The following NRXN3 variants were observed in gnomAD, a reference collection of about 807,000 sequenced individuals.
NRXN3 encodes the protein neurexin 3.
In NRXN3, 32 loss-of-function variants were observed where a neutral mutation model predicts 137.6. The ratio of observed to expected loss-of-function variants is 0.23; its 90% CI spans 0.18 to 0.31. NRXN3 has a LOEUF of 0.31. Among genes scored for constraint, NRXN3 ranks in the 10% least tolerant of loss-of-function variants. NRXN3 has a pLI of 1.00. For missense variants in NRXN3, 1,574 were observed against 2,062.5 expected, an observed-to-expected ratio of 0.76 and a Z score of 4.59; for synonymous variants, 798 against 784.5, an observed-to-expected ratio of 1.02 and a Z score of -0.29.
At chr14:78,878,508 A>G (rs555676448) in intron 10 of NRXN3, among the ~76,000 whole-genome samples, 1 of 152,230 alleles carries the variant, frequency 6.6e-6, no homozygotes, top group African/African-American at 2.4e-5. Flanking sequence ...TTTTTTTTCT[A>G]TTGTACAAAC....
At chr14:78,901,846 T>C (rs548828424) in intron 10 of NRXN3, among the ~76,000 whole-genome samples, 3 of 152,082 alleles carry the variant, frequency 2.0e-5, no homozygotes, top group Admixed American at 1.3e-4. Flanking sequence ...GTTTTAAAAG[T>C]CTGAGCAAGA....
intron 4 of NRXN3, among the ~76,000 whole-genome samples, chr14:78,634,687 C>A (rs1024697608): frequency 3.3e-5 from 5 of 152,108 alleles, no homozygotes; most frequent in African/African-American, 1.2e-4. Flanking sequence ...TGTTCGAATA[C>A]CTTCCTGGTT....
intron 6 of NRXN3, among the ~76,000 whole-genome samples, chr14:78,685,358 A>C (rs532427077): frequency 6.6e-6 from 1 of 152,120 alleles, no homozygotes; most frequent in Non-Finnish European, 1.5e-5. Flanking sequence ...GTGGCTTTCC[A>C]TCTTGCTCAG....
chr14:79,417,350 TG>T (rs2095511662), intron 15 of NRXN3, among the ~76,000 whole-genome samples: 1 of 152,190 alleles, frequency 6.6e-6, no homozygotes, highest in African/African-American at 2.4e-5. Flanking sequence ...TTTGCTTCAT[TG>T]TACTCTTAAG....
intron 4 of NRXN3, among the ~76,000 whole-genome samples, chr14:78,372,304 T>A (rs536108005): frequency 1.4e-3 from 208 of 147,842 alleles, no homozygotes; most frequent in Middle Eastern, 3.5e-3. Context: ...TTTTTTTTTT[T>A]AATTTTATTA....
At chr14:79,141,099 T>G (rs943546127) in intron 15 of NRXN3, among the ~76,000 whole-genome samples, 3 of 152,208 alleles carry the variant, frequency 2.0e-5, no homozygotes, top group African/African-American at 7.2e-5. Flanking sequence ...AACAGGTGTC[T>G]TTTTCAAATT....
At chr14:79,701,385 C>A (rs1405785825) in intron 19 of NRXN3, among the ~76,000 whole-genome samples, 2 of 152,090 alleles carry the variant, frequency 1.3e-5, no homozygotes, top group Non-Finnish European at 2.9e-5. Context: ...TTCTTCTGTG[C>A]CATCTAGAGA....
chr14:78,913,662 GA>G (rs2099247164), intron 10 of NRXN3, among the ~76,000 whole-genome samples: 1 of 152,070 alleles, frequency 6.6e-6, no homozygotes, highest in Admixed American at 6.6e-5. Context: ...GTTGGCATGG[GA>G]ATATAACCAT....
At chr14:78,194,108 C>T (rs1440187356) in intron 1 of NRXN3, among the ~76,000 whole-genome samples, 1 of 152,194 alleles carries the variant, frequency 6.6e-6, no homozygotes, top group Non-Finnish European at 1.5e-5. Context: ...ATGTGCGACC[C>T]ACATCGGTCC....
At chr14:78,755,557 A>C (rs762959141) in intron 8 of NRXN3, among the ~76,000 whole-genome samples, 8 of 152,164 alleles carry the variant, frequency 5.3e-5, no homozygotes, top group Non-Finnish European at 7.4e-5. Context: ...AGGCTTTGGG[A>C]GTTCTATTGA....
At chr14:79,779,372 C>G (rs2140054192) in intron 19 of NRXN3, among the ~76,000 whole-genome samples, 1 of 152,244 alleles carries the variant, frequency 6.6e-6, no homozygotes, top group Middle Eastern at 3.4e-3. Context: ...CTCGGCCTCC[C>G]AAAGTGCTGG....
intron 4 of NRXN3, among the ~76,000 whole-genome samples, chr14:78,314,968 TTCC>T (rs2078495538): frequency 9.8e-5 from 5 of 51,102 alleles, no homozygotes; most frequent in African/African-American, 3.2e-4. Flanking sequence ...CCTTCCTTCC[TTCC>T]TTCCTTCCTT....
intron 15 of NRXN3, among the ~76,000 whole-genome samples, chr14:79,449,058 T>C (rs1404395151): frequency 7.2e-5 from 11 of 152,170 alleles, no homozygotes; most frequent in Admixed American, 7.2e-4. Context: ...GAACAAATGA[T>C]AACTGAGCCC....
chr14:79,449,009 G>A (rs940108674), intron 15 of NRXN3, among the ~76,000 whole-genome samples: 1 of 152,060 alleles, frequency 6.6e-6, no homozygotes, highest in Admixed American at 6.6e-5. Flanking sequence ...ATTGAGTAGG[G>A]TAAAAGGAGT....
chr14:79,465,912 G>T (rs556840113), intron 15 of NRXN3, among the ~76,000 whole-genome samples: 1 of 152,158 alleles, frequency 6.6e-6, no homozygotes, highest in Non-Finnish European at 1.5e-5. Flanking sequence ...AGCCTTTCTG[G>T]TCACCAAATC....
At chr14:78,476,469 T>G (rs920820643) in intron 4 of NRXN3, among the ~76,000 whole-genome samples, 5 of 152,170 alleles carry the variant, frequency 3.3e-5, no homozygotes, top group African/African-American at 1.2e-4. Context: ...GATCTAGGAA[T>G]AGAAAGGCCA....
chr14:79,637,792 C>CCAT (rs1407087555), intron 16 of NRXN3, among the ~76,000 whole-genome samples: 1 of 134,416 alleles, frequency 7.4e-6, no homozygotes, highest in East Asian at 2.4e-4. Flanking sequence ...TGCAGTGGTG[C>CCAT]CATCTCAGCT....
At chr14:78,692,235 G>T (rs935534631) in intron 6 of NRXN3, among the ~76,000 whole-genome samples, 1 of 152,112 alleles carries the variant, frequency 6.6e-6, no homozygotes, top group Non-Finnish European at 1.5e-5. Context: ...TTTTTCTGTG[G>T]TCTTGACTTC....
chr14:79,390,388 A>G (rs1443869132), intron 15 of NRXN3, among the ~76,000 whole-genome samples: 1 of 151,922 alleles, frequency 6.6e-6, no homozygotes, highest in Non-Finnish European at 1.5e-5. Flanking sequence ...CTCTCCTTTA[A>G]CATTCCTATC....
Sources: gnomAD v4.1 joint callset for allele counts (sites outside exome capture counted in the v4.1 genomes callset) on GRCh38, gnomAD v4.1.1 for gene constraint, MANE v1.5 for transcripts, NCBI Gene and HGNC (gene_info 2026-07-23, HGNC 2026-07-21) for gene names.